The following CCDC60 variants were observed in gnomAD, a reference collection of about 807,000 sequenced individuals.
The protein encoded by CCDC60 is coiled-coil domain containing 60.
Under a neutral mutation model 63.5 loss-of-function variants are expected in CCDC60, and 54 were observed. The observed-to-expected ratio is 0.85, with a 90% CI of 0.68 to 1.07. The LOEUF is 1.07. Among genes scored for constraint, CCDC60 ranks in the 50% least tolerant of loss-of-function variants. The pLI is 0.00. For synonymous variants in CCDC60, 206 were observed against 238.8 expected, an observed-to-expected ratio of 0.86 and a Z score of 1.27; for missense variants, 651 against 684.3, an observed-to-expected ratio of 0.95 and a Z score of 0.54.
rs1955574317 is a variant in CCDC60, at chr12:119,344,879, A to T, written c.90+9613A>T. Among the ~76,000 whole-genome samples the T allele has an allele frequency of 3.3e-5, 5 of 151,076 alleles. No homozygotes were observed. In the South Asian group the frequency reaches 6.4e-4, roughly 19 times the overall value. On this transcript the variant is annotated intron_variant, in intron 1 of 13. Transcript: ENST00000327554. Reference sequence around the variant, plus strand: ...CTCACACACACACACACACACACACACACACACACACACACACACAATCTC... The same window carrying T: ...CTCACACACACACACACACACACACTCACACACACACACACACACAATCTC...
chr12:119,476,833 C>T (rs1327419123), intron 3 of CCDC60, among the ~76,000 whole-genome samples: 2 of 152,180 alleles, frequency 1.3e-5, no homozygotes, highest in Non-Finnish European at 2.9e-5. Flanking sequence ...TCTACAGAGT[C>T]TTTACACATG....
At chr12:119,475,847 G>A (rs991436887) in intron 3 of CCDC60, among the ~76,000 whole-genome samples, 1 of 152,204 alleles carries the variant, frequency 6.6e-6, no homozygotes, top group South Asian at 2.1e-4. Flanking sequence ...CTATTATGAC[G>A]CAATAAAGTG....
At chr12:119,432,807 G>A (rs955728681) in intron 2 of CCDC60, among the ~76,000 whole-genome samples, 2 of 152,096 alleles carry the variant, frequency 1.3e-5, no homozygotes, top group African/African-American at 4.8e-5. Context: ...ATTGCAAACC[G>A]ATCGTTAAAC....
chr12:119,355,987 C>T (rs1256632419), intron 1 of CCDC60, among the ~76,000 whole-genome samples: 1 of 152,180 alleles, frequency 6.6e-6, no homozygotes, highest in Non-Finnish European at 1.5e-5. Flanking sequence ...CCCACCTCCT[C>T]AGTCAAGTCC....
chr12:119,469,535 T>C (rs1455325616), intron 2 of CCDC60, among the ~76,000 whole-genome samples: 2 of 152,268 alleles, frequency 1.3e-5, no homozygotes, highest in Non-Finnish European at 2.9e-5. Context: ...GCTGAGATTA[T>C]AGGCATGAAC....
intron 1 of CCDC60, among the ~76,000 whole-genome samples, chr12:119,342,951 A>G (rs567922926): frequency 7.4e-4 from 112 of 152,014 alleles, no homozygotes; most frequent in African/African-American, 2.3e-3. Context: ...CTTCCTTTCA[A>G]CATCCCCACA....
At chr12:119,432,756 CAGCTATTGTT>C (rs1471882585) in intron 2 of CCDC60, among the ~76,000 whole-genome samples, 1 of 152,152 alleles carries the variant, frequency 6.6e-6, no homozygotes, top group Non-Finnish European at 1.5e-5. Flanking sequence ...TTATTAAACA[CAGCTATTGTT>C]AAAGATTAAT....
chr12:119,499,463 T>G (rs1188614666), intron 5 of CCDC60, among the ~76,000 whole-genome samples: 2 of 152,236 alleles, frequency 1.3e-5, no homozygotes, highest in Admixed American at 6.5e-5. Context: ...TTAAACTCCC[T>G]TAGTTTGTTT....
intron 1 of CCDC60, among the ~76,000 whole-genome samples, chr12:119,379,885 C>T (rs965438640): frequency 3.3e-5 from 5 of 152,100 alleles, no homozygotes; most frequent in African/African-American, 1.2e-4. Flanking sequence ...ACCCAGCAGG[C>T]GAAATGCAGA....
In CCDC60 at chr12:119,519,440, T is replaced by C. The variant is rs866845191; in HGVS notation, c.969-681T>C. On this transcript the variant is annotated intron_variant, in intron 8 of 13. Transcript: ENST00000327554. ...GTGTGTGTGTGTGTGTGTGTGCGCG[T>C]GTGTGTGTGTGTATATATATATATA... 2.5e-3 allele frequency among the ~76,000 whole-genome samples: 298 copies of C among 119,610 alleles called. 4 individuals are homozygous for C. In the Middle Eastern group the frequency reaches 0.029, roughly 12 times the overall value. 78.5% of individuals were successfully genotyped at this position (119,610 alleles called of 152,430 possible). A position where few individuals can be genotyped will look rare whatever the true frequency, so the allele number is the denominator to read the frequency against.
At chr12:119,479,253 C>A (rs761532611) in intron 4 of CCDC60, 52 bp downstream of exon 4, 1 of 1,324,468 alleles carries the variant, frequency 7.6e-7, no homozygotes, top group South Asian at 1.2e-5. Flanking sequence ...TAAATTGAAG[C>A]CGAACTGAAA....
intron 2 of CCDC60, among the ~76,000 whole-genome samples, chr12:119,449,174 C>T (rs1431729060): frequency 3.9e-5 from 6 of 152,250 alleles, no homozygotes; most frequent in East Asian, 1.9e-4. Context: ...GAGATTCTAC[C>T]GTCAATCAAA....
chr12:119,377,323 C>T lies in CCDC60; in HGVS notation c.90+42057C>T, dbSNP rs777134515. Among the ~76,000 whole-genome samples, 7 of 145,072 alleles carry T rather than the reference C, an allele frequency of 4.8e-5. No individual in the cohort carries two copies. In the East Asian group the frequency reaches 8.1e-4, roughly 17 times the overall value. ...AAATTCCAACCCAAGTCTCAAGAGA[C>T]GGAGAAGTAAAATAAGAAATATCTT... On this transcript the variant is annotated intron_variant, in intron 1 of 13. Transcript: ENST00000327554.
At chr12:119,532,946 C>T (rs1952897356) in intron 13 of CCDC60, among the ~76,000 whole-genome samples, 1 of 152,130 alleles carries the variant, frequency 6.6e-6, no homozygotes, top group Non-Finnish European at 1.5e-5. Context: ...AATGGGATTG[C>T]TGGATCAAAT....
intron 7 of CCDC60, among the ~76,000 whole-genome samples, chr12:119,508,903 G>A (rs1255809987): frequency 1.3e-5 from 2 of 151,848 alleles, no homozygotes; most frequent in Non-Finnish European, 2.9e-5. Flanking sequence ...CAGCTTCAAG[G>A]CCCCACCCCA....
chr12:119,447,013 G>A (rs1038561654), intron 2 of CCDC60, among the ~76,000 whole-genome samples: 4 of 152,238 alleles, frequency 2.6e-5, no homozygotes, highest in African/African-American at 7.2e-5. Flanking sequence ...AGAAGAAGAC[G>A]AGAGGCGATA....
At chr12:119,483,909 C>T (rs1043552134) in intron 4 of CCDC60, among the ~76,000 whole-genome samples, 1 of 150,944 alleles carries the variant, frequency 6.6e-6, no homozygotes, top group Admixed American at 6.6e-5. Flanking sequence ...GAGAAAAGAC[C>T]GATTTCTATC....
intron 4 of CCDC60, 44 bp from the exon 5 acceptor site, chr12:119,488,715 G>C (rs1366697785): frequency 6.4e-7 from 1 of 1,556,268 alleles, no homozygotes; most frequent in African/African-American, 1.4e-5. Flanking sequence ...GAAGAAAGTT[G>C]TTCTAACAGG....
intron 13 of CCDC60, 79 bp downstream of exon 13, chr12:119,531,142 A>G: frequency 7.9e-7 from 1 of 1,269,236 alleles, no homozygotes; most frequent in Non-Finnish European, 1.1e-6. Flanking sequence ...GCACTGTTTA[A>G]GTGCTGGGGA....
Sources: gnomAD v4.1 joint callset for allele counts (sites outside exome capture counted in the v4.1 genomes callset) on GRCh38, gnomAD v4.1.1 for gene constraint, MANE v1.5 for transcripts, NCBI Gene and HGNC (gene_info 2026-07-23, HGNC 2026-07-21) for gene names.